PRH1: variants seen among roughly 807,000 people sequenced by gnomAD.
The protein encoded by PRH1 is salivary acidic proline-rich phosphoprotein 1/2.
In PRH1, 7 loss-of-function variants were observed where a neutral mutation model predicts 7.9. That is an observed-to-expected ratio of 0.89 (90% CI 0.50 to 1.67). The LOEUF is 1.67. Among genes scored for constraint, PRH1 ranks in the 40% most tolerant of loss-of-function variants. The pLI is 0.00. For synonymous variants in PRH1, 45 were observed against 80.8 expected, an observed-to-expected ratio of 0.56 and a Z score of 2.38; for missense variants, 109 against 223.6, an observed-to-expected ratio of 0.49 and a Z score of 3.27.
chr12:11,052,059 AAC>A (rs1393907683), upstream of PRH1, among the ~76,000 whole-genome samples: 9 of 152,284 alleles, frequency 5.9e-5, no homozygotes, highest in African/African-American at 1.7e-4. Context: ...AAAAGCCCAA[AAC>A]ACAGTTTGAC....
At chr12:11,061,620 T>TA (rs893683777) in intron 1 of PRH1, 2 of 1,613,978 alleles carry the variant, frequency 1.2e-6, no homozygotes, top group African/African-American at 2.7e-5. Flanking sequence ...GCAAAGCTTT[T>TA]ATGTGGACCT....
chr12:10,897,565 T>G (rs367921756), intron 2 of PRH1, among the ~76,000 whole-genome samples: 18 of 152,118 alleles, frequency 1.2e-4, no homozygotes, highest in East Asian at 9.6e-4. Flanking sequence ...CTGTAAGAGG[T>G]TTAATTGGCT....
At chr12:11,085,356 A>G (rs967939891) in intron 1 of PRH1, among the ~76,000 whole-genome samples, 1 of 138,214 alleles carries the variant, frequency 7.2e-6, no homozygotes, top group African/African-American at 2.6e-5. Flanking sequence ...ATAGTCTTTA[A>G]GTACAATGAA....
chr12:11,026,540 T>C (rs192473650), intron 1 of PRH1, among the ~76,000 whole-genome samples: 301 of 151,938 alleles, frequency 2.0e-3, no homozygotes, highest in African/African-American at 7.0e-3. Context: ...GAAATTCTCC[T>C]CTACTGGCAA....
intron 2 of PRH1, among the ~76,000 whole-genome samples, chr12:10,936,407 T>G (rs922303890): frequency 6.6e-6 from 1 of 152,180 alleles, no homozygotes; most frequent in East Asian, 1.9e-4. Flanking sequence ...CCACTTGAGG[T>G]ATACTTGACA....
chr12:10,926,225 G>T (rs183007828), intron 2 of PRH1, among the ~76,000 whole-genome samples: 1 of 152,292 alleles, frequency 6.6e-6, no homozygotes, highest in East Asian at 1.9e-4. Context: ...AGTTGATACA[G>T]TGAATACAAT....
Position 11,134,470 on chromosome 12 carries a change from A to C in PRH1, n.40-13290T>G, listed in dbSNP as rs1322760240. 5 of 546,928 alleles carry C rather than the reference A, an allele frequency of 9.1e-6. No individual in the cohort carries two copies. In the Admixed American group the frequency reaches 1.8e-4, roughly 20 times the overall value. 33.9% of individuals were successfully genotyped at this position (546,928 alleles called of 1,614,324 possible). A position where few individuals can be genotyped will look rare whatever the true frequency, so the allele number is the denominator to read the frequency against. ...TGGAAAACATTCTTATTTTCAAAAC[A>C]ATTCAAATTAACTGACTCATTCACC... On this transcript the variant is annotated intron_variant and non_coding_transcript_variant, in intron 1 of 1. Coordinates refer to the PRH1 transcript ENST00000541175.
intron 1 of PRH1, among the ~76,000 whole-genome samples, chr12:11,131,995 CT>C (rs1302268933): frequency 6.6e-6 from 1 of 152,130 alleles, no homozygotes; most frequent in African/African-American, 2.4e-5. Context: ...TTTTATGGTT[CT>C]TACATTGTAC....
chr12:11,134,936 TATG>T (rs1309301498), intron 1 of PRH1, among the ~76,000 whole-genome samples: 1 of 152,098 alleles, frequency 6.6e-6, no homozygotes. Context: ...GCACACCACT[TATG>T]AATGGAACGA....
At chr12:11,125,758 T>C (rs1222559229) in intron 1 of PRH1, among the ~76,000 whole-genome samples, 2 of 152,074 alleles carry the variant, frequency 1.3e-5, no homozygotes, top group Non-Finnish European at 2.9e-5. Context: ...GTTGTGATCA[T>C]AAATATCTAA....
chr12:10,907,999 G>A (rs1225033291), intron 2 of PRH1: 2 of 176,276 alleles, frequency 1.1e-5, no homozygotes, highest in East Asian at 1.7e-4. Context: ...TTAAATAGGA[G>A]TACTTGAGAT....
At chr12:11,121,650 T>C (rs1376116668) in intron 1 of PRH1, among the ~76,000 whole-genome samples, 1 of 152,226 alleles carries the variant, frequency 6.6e-6, no homozygotes, top group African/African-American at 2.4e-5. Context: ...GCTATTCACA[T>C]ACTGGTATAA....
At chr12:10,905,329 T>C (rs912587044) in intron 2 of PRH1, among the ~76,000 whole-genome samples, 8 of 152,004 alleles carry the variant, frequency 5.3e-5, no homozygotes, top group African/African-American at 1.7e-4. Flanking sequence ...TGGAACACTA[T>C]TCACAATAGC....
intron 2 of PRH1, among the ~76,000 whole-genome samples, chr12:10,963,665 G>C (rs11054090): frequency 0.24 from 36,980 of 152,014 alleles, 4,548 homozygotes; most frequent in Non-Finnish European, 0.25. Context: ...TATGACAGCA[G>C]TTAAGAGGTC....
At chr12:10,978,390 C>T (rs1221167811) in intron 1 of PRH1, among the ~76,000 whole-genome samples, 2 of 152,138 alleles carry the variant, frequency 1.3e-5, no homozygotes, top group Non-Finnish European at 2.9e-5. Flanking sequence ...TGGATACTTT[C>T]CTAATACATA....
intron 1 of PRH1, among the ~76,000 whole-genome samples, chr12:11,103,440 C>G (rs1945315689): frequency 6.7e-6 from 1 of 150,128 alleles, no homozygotes; most frequent in Non-Finnish European, 1.5e-5. Context: ...ATCGCAAGGA[C>G]AGAAAACCAA....
intron 2 of PRH1, among the ~76,000 whole-genome samples, chr12:10,904,163 A>G (rs1214129243): frequency 6.7e-6 from 1 of 148,592 alleles, no homozygotes; most frequent in African/African-American, 2.5e-5. Flanking sequence ...ACAGAACTAG[A>G]AAAAAAAAAC....
intron 1 of PRH1, among the ~76,000 whole-genome samples, chr12:11,152,163 T>C (rs1371307123): frequency 6.6e-6 from 1 of 151,710 alleles, no homozygotes; most frequent in Admixed American, 6.6e-5. Context: ...ACATGTGCCA[T>C]GTTGGTGTGC....
rs561127367 is a variant in PRH1, at chr12:11,089,078, C to T, written n.124-41890G>A. Among the ~76,000 whole-genome samples the T allele has an allele frequency of 6.0e-5, 7 of 116,050 alleles. 2 individuals are homozygous for T. Among genetic ancestry groups the T allele is most frequent in the Admixed American group, 6.0e-4 (7 of 11,630 alleles). The allele number at this position is 116,050 out of a possible 152,430, so 76.1% of individuals were successfully genotyped here. ...GCCATGACTGGAGGGTATGAGCACG[C>T]CTCAGTGGCACAAGGAGTGATGGTA... On this transcript the variant is annotated intron_variant and non_coding_transcript_variant, in intron 1 of 4. Transcript: ENST00000541977.
Sources: allele counts gnomAD v4.1 joint callset (sites outside exome capture counted in the v4.1 genomes callset), GRCh38; gene constraint gnomAD v4.1.1; transcripts MANE v1.5; gene names NCBI Gene and HGNC (gene_info 2026-07-23, HGNC 2026-07-21).